The following ACSM6 variants were observed in gnomAD, a reference collection of about 807,000 sequenced individuals.
The protein encoded by ACSM6 is acyl-CoA synthetase medium chain family member 6, also known as acyl-coenzyme A synthetase ACSM6, mitochondrial.
In ACSM6, 35 loss-of-function variants were observed where a neutral mutation model predicts 51.1. The observed-to-expected ratio is 0.69, with a 90% confidence interval of 0.52 to 0.91. The LOEUF (loss-of-function observed/expected upper bound fraction) is 0.91, where lower values mean the gene tolerates loss of function less well. ACSM6 is among the 40% of genes least tolerant of loss of function. The pLI is 0.00. For synonymous variants in ACSM6, 172 were observed against 207.3 expected (o/e 0.83, Z 1.46); for missense variants, 509 against 584.1 (o/e 0.87, Z 1.32).
At chr10:95,208,959 A>AG in intron 4 of ACSM6, among the ~76,000 whole-genome samples, 1 of 147,836 alleles carries the variant, frequency 6.8e-6, no homozygotes, top group East Asian at 1.9e-4. Flanking sequence ...AAAAAAAAAA[A>AG]AGCAGTAAAC....
chr10:95,222,915 T>C (rs2035007227), intron 9 of ACSM6, among the ~76,000 whole-genome samples: 1 of 143,660 alleles, frequency 7.0e-6, no homozygotes, highest in South Asian at 2.1e-4. Context: ...GTTTATGGCA[T>C]AGATTGTGGT....
chr10:95,211,846 A>G, intron 5 of ACSM6, 32 bp from the exon 6 acceptor site: 1 of 1,562,654 alleles, frequency 6.4e-7, no homozygotes, highest in Non-Finnish European at 8.6e-7. Context: ...CCAGCACGAG[A>G]GAATTCAAAT....
exon 2 of ACSM6, chr10:95,194,522 A>G (rs757510884): frequency 1.3e-6 from 2 of 1,551,578 alleles, no homozygotes; most frequent in Non-Finnish European, 1.7e-6. Flanking sequence ...CTTGGTCCGG[A>G]GTTTCAGACT....
At chr10:95,200,464 T>C (rs2034781514) in intron 2 of ACSM6, among the ~76,000 whole-genome samples, 1 of 149,480 alleles carries the variant, frequency 6.7e-6, no homozygotes, top group Non-Finnish European at 1.5e-5. Context: ...AACCTGCACA[T>C]TGTACACATG....
Position 95,194,452 on chromosome 10 carries a change from T to C in ACSM6, c.-21-13T>C. 6.5e-7 allele frequency: 1 copy of C among 1,540,962 alleles called. No homozygotes were observed. Reference sequence around the variant, plus strand: ...TGCTCAATTACTCCCTGTCTTTTCCTCAATTTACCTAGGTGGTTCCCTGTC... The same window carrying C: ...TGCTCAATTACTCCCTGTCTTTTCCCCAATTTACCTAGGTGGTTCCCTGTC... On this transcript the variant is annotated splice_polypyrimidine_tract_variant and intron_variant, in intron 1 of 10. Transcript: ENST00000341686.
chr10:95,197,739 CTCTTTTACTAA>C (rs1303168612), intron 2 of ACSM6, among the ~76,000 whole-genome samples: 1 of 152,220 alleles, frequency 6.6e-6, no homozygotes, highest in Non-Finnish European at 1.5e-5. Context: ...AGAGGCTTTC[CTCTTTTACTAA>C]TCCACCTCAG....
At position 95,202,761 on chromosome 10, in the gene ACSM6, T is replaced by A. The variant is rs1260032417; in HGVS notation, c.403+566T>A. 5.5e-5 allele frequency among the ~76,000 whole-genome samples: 8 copies of A among 146,536 alleles called. No homozygotes were observed. In the East Asian group the frequency reaches 1.4e-3, roughly 25 times the overall value. ...AAACATGATGAAACCCCAACTCCAC[T>A]AAAAAAAAACACAAAGCAGAAAAAA... On this transcript the variant is annotated intron_variant, in intron 3 of 10. Coordinates refer to ENST00000341686, the Ensembl canonical transcript of ACSM6.
intron 9 of ACSM6, among the ~76,000 whole-genome samples, chr10:95,223,553 A>G (rs1013757894): frequency 2.6e-5 from 4 of 152,200 alleles, no homozygotes; most frequent in African/African-American, 9.7e-5. Context: ...TTAATACACC[A>G]TAAAACAAAG....
At chr10:95,207,149 G>A (rs1247859033) in intron 3 of ACSM6, 59 bp from the exon 4 acceptor site, 24 of 1,544,488 alleles carry the variant, frequency 1.6e-5, no homozygotes, top group Non-Finnish European at 2.1e-5. Context: ...CAGAATGCTT[G>A]AGGAAAAATT....
At chr10:95,205,862 C>G (rs887237360) in intron 3 of ACSM6, among the ~76,000 whole-genome samples, 28 of 152,156 alleles carry the variant, frequency 1.8e-4, no homozygotes, top group Non-Finnish European at 2.1e-4. Context: ...TAAAGGGTAA[C>G]TTGATAGCTA....
At chr10:95,211,747 T>C (rs12262878) in intron 5 of ACSM6, 131 bp from the exon 6 acceptor site, 356,915 of 964,284 alleles carry the variant, frequency 0.37, 69,450 homozygotes, top group Non-Finnish European at 0.39. Context: ...ACCTCATAAA[T>C]AGGCTTTGCC....
chr10:95,228,646 G>A (rs979560397), exon 11 of ACSM6: 3 of 1,551,062 alleles, frequency 1.9e-6, no homozygotes, highest in African/African-American at 2.7e-5. Flanking sequence ...TCTATCAGGT[G>A]AGCTGGGAGG....
intron 1 of ACSM6, 39 bp downstream of exon 1, chr10:95,194,342 T>G: frequency 1.4e-6 from 1 of 732,316 alleles, no homozygotes; most frequent in South Asian, 2.0e-5. Flanking sequence ...TCCAATGATC[T>G]GACTGTTGCT....
In ACSM6 at chr10:95,207,434, TG is replaced by T. The variant is rs770386813; in HGVS notation, c.611+20del. On this transcript the variant is annotated intron_variant, in intron 4 of 10. Coordinates refer to ENST00000341686, the Ensembl canonical transcript of ACSM6. ...TGATTCAGTAAGTGGACACTGAATATGAGATGCTTAAATGAAGGAAATGTTT... is the reference window on the plus strand; with the variant it reads ...TGATTCAGTAAGTGGACACTGAATATAGATGCTTAAATGAAGGAAATGTTT... The T allele has an allele frequency of 6.3e-7, 1 of 1,595,326 alleles. No homozygotes were observed. Among genetic ancestry groups the T allele is most frequent in the South Asian group, 1.1e-5 (1 of 90,694 alleles).
intron 9 of ACSM6, among the ~76,000 whole-genome samples, chr10:95,224,641 C>T (rs2035022556): frequency 6.6e-6 from 1 of 152,296 alleles, no homozygotes; most frequent in Admixed American, 6.5e-5. Flanking sequence ...CTCAGGTGAT[C>T]TGCCCACCTC....
chr10:95,202,248 C>G lies in ACSM6; in HGVS notation c.403+53C>G. The G allele has an allele frequency of 2.2e-6, 3 of 1,391,602 alleles. No homozygotes were observed. The South Asian group carries it at 3.7e-5, about 17-fold the overall frequency. The allele number at this position is 1,391,602 out of a possible 1,614,324, so 86.2% of individuals were successfully genotyped here. On this transcript the variant is annotated intron_variant, in intron 3 of 10. Transcript: ENST00000341686. ...GTTGGAGGCTTATGTGAATCCCAGC[C>G]TCAGTTATTCACAGAATGGAGATGT...
chr10:95,209,122 G>A (rs2034870462), intron 4 of ACSM6, among the ~76,000 whole-genome samples: 2 of 152,060 alleles, frequency 1.3e-5, no homozygotes, highest in African/African-American at 4.8e-5. Flanking sequence ...GTGGAGATGG[G>A]GGAATGATTT....
chr10:95,195,050 T>C (rs2034712342), intron 2 of ACSM6, among the ~76,000 whole-genome samples: 1 of 152,196 alleles, frequency 6.6e-6, no homozygotes, highest in South Asian at 2.1e-4. Context: ...TCAATAAAAG[T>C]TAGCTTTTAT....
intron 4 of ACSM6, 140 bp from the exon 5 acceptor site, chr10:95,210,510 C>G (rs2034883281): frequency 2.3e-6 from 2 of 870,460 alleles, no homozygotes; most frequent in Non-Finnish European, 1.6e-6. Context: ...TGGCAGCTGC[C>G]CCTCTAACAA....
Sources: gnomAD v4.1 joint callset for allele counts (sites outside exome capture counted in the v4.1 genomes callset) on GRCh38, gnomAD v4.1.1 for gene constraint, MANE v1.5 for transcripts, NCBI Gene and HGNC (gene_info 2026-07-23, HGNC 2026-07-21) for gene names.